ANGPT2: variants seen among roughly 807,000 people sequenced by gnomAD.
The protein encoded by ANGPT2 is angiopoietin-2.
A neutral mutation model predicts 62.9 loss-of-function variants in ANGPT2; 28 were observed. The observed-to-expected ratio is 0.44, with a 90% CI of 0.33 to 0.61. The LOEUF is 0.61. Among genes scored for constraint, ANGPT2 ranks in the 20% least tolerant of loss-of-function variants. The pLI is 0.03. For synonymous variants in ANGPT2, 284 were observed against 207.8 expected (o/e 1.37, Z -3.15); for missense variants, 727 against 594.9 (o/e 1.22, Z -2.31).
At chr8:6,513,183 T>G (rs554440675) in intron 7 of ANGPT2, among the ~76,000 whole-genome samples, 41 of 152,344 alleles carry the variant, frequency 2.7e-4, no homozygotes, top group Non-Finnish European at 4.6e-4. Context: ...TTGTATGAAG[T>G]TTCTTTTATA....
At chr8:6,522,710 G>T (rs190106550) in intron 3 of ANGPT2, among the ~76,000 whole-genome samples, 17 of 149,200 alleles carry the variant, frequency 1.1e-4, no homozygotes, top group African/African-American at 4.2e-4. Flanking sequence ...GGAGGTGGAG[G>T]TTGCAGTGAG....
At chr8:6,536,291 C>T (rs765327238) in intron 1 of ANGPT2, among the ~76,000 whole-genome samples, 3 of 152,074 alleles carry the variant, frequency 2.0e-5, no homozygotes, top group Non-Finnish European at 2.9e-5. Context: ...ATCGCTGTGT[C>T]GGGATCCCAG....
At chr8:6,561,132 A>G (rs553783031) in intron 1 of ANGPT2, among the ~76,000 whole-genome samples, 18 of 152,350 alleles carry the variant, frequency 1.2e-4, no homozygotes, top group African/African-American at 4.3e-4. Flanking sequence ...GTTGCTGCAT[A>G]CTTTTTAAGC....
intron 2 of ANGPT2, among the ~76,000 whole-genome samples, chr8:6,528,006 C>T (rs1393955017): frequency 6.6e-6 from 1 of 151,020 alleles, no homozygotes; most frequent in East Asian, 2.0e-4. Flanking sequence ...AGCAATTCTT[C>T]TGCCTCATTC....
intron 7 of ANGPT2, 61 bp from the exon 8 acceptor site, chr8:6,509,123 A>C (rs1257250269): frequency 5.1e-6 from 8 of 1,574,208 alleles, no homozygotes; most frequent in East Asian, 2.2e-5. Context: ...CGTAGTGGCA[A>C]ATTTTTTGTG....
intron 4 of ANGPT2, among the ~76,000 whole-genome samples, chr8:6,520,779 G>T (rs1817177041): frequency 6.6e-6 from 1 of 152,130 alleles, no homozygotes; most frequent in African/African-American, 2.4e-5. Context: ...GCAAGATAAG[G>T]GAACTAGCAT....
rs139734891 is a variant in ANGPT2 at position 6,513,717 on chromosome 8, T to A, written c.1157A>T (p.Tyr386Phe). The A allele has an allele frequency of 7.6e-5, 123 of 1,613,600 alleles. No homozygotes were observed. Among genetic ancestry groups the A allele is most frequent in the Non-Finnish European group, 9.4e-5 (111 of 1,179,884 alleles). ...DWEGNEAYSLYEHFYLSSEEL... is the reference protein window; with the variant it reads ...DWEGNEAYSLFEHFYLSSEEL... ...TTCACTTGAGAGATAGAAATGTTCATACAATGAGTAAGCCTCATTCCCTTC... is the reference window on the plus strand; with the variant it reads ...TTCACTTGAGAGATAGAAATGTTCAAACAATGAGTAAGCCTCATTCCCTTC... The change falls in exon 7 of 9, where the codon TAT becomes TTT. Residue 386 changes from tyrosine to phenylalanine, a missense_variant. Tyr to Phe is a conservative substitution (Grantham distance 22). Coordinates refer to ENST00000629816, the MANE Select transcript of ANGPT2 (RefSeq NM_001118887.2).
chr8:6,559,960 T>G (rs543878491), intron 1 of ANGPT2, among the ~76,000 whole-genome samples: 2 of 152,334 alleles, frequency 1.3e-5, no homozygotes, highest in Non-Finnish European at 2.9e-5. Flanking sequence ...TGACACTTCC[T>G]TTGCCGGACA....
At chr8:6,527,500 T>C in intron 3 of ANGPT2, 55 bp downstream of exon 3, 2 of 1,584,002 alleles carry the variant, frequency 1.3e-6, no homozygotes, top group Non-Finnish European at 1.7e-6. Context: ...AGACCGACTT[T>C]CATATCTGGA....
rs1185333543 is a variant in ANGPT2, at chr8:6,505,399, AAT to A, written c.1328-2140_1328-2139del. ...ATATATTCTTTCTATATGTATATAGAATATATATATTCTTTATATACATAAAG... is the reference window on the plus strand; with the variant it reads ...ATATATTCTTTCTATATGTATATAGAATATATATTCTTTATATACATAAAG... On this transcript the variant is annotated intron_variant, in intron 8 of 8. Coordinates refer to ENST00000629816, the MANE Select transcript of ANGPT2 (RefSeq NM_001118887.2). Among the ~76,000 whole-genome samples the A allele has an allele frequency of 3.8e-5, 3 of 78,672 alleles. No homozygotes were observed. In the East Asian group the frequency reaches 7.5e-4, roughly 20 times the overall value. The allele number at this position is 78,672 out of a possible 152,430, so 51.6% of individuals were successfully genotyped here.
At chr8:6,521,098 G>A in intron 4 of ANGPT2, 80 bp downstream of exon 4, 1 of 1,114,184 alleles carries the variant, frequency 9.0e-7, no homozygotes, top group Non-Finnish European at 1.3e-6. Context: ...TTTTCTGAAA[G>A]GTGAGAATTT....
chr8:6,519,841 G>T (rs1816971877), intron 5 of ANGPT2, 23 bp downstream of exon 5: 1 of 1,612,016 alleles, frequency 6.2e-7, no homozygotes, highest in Admixed American at 1.7e-5. Flanking sequence ...CAGGGAGTTA[G>T]TAAGGGGAGA....
intron 5 of ANGPT2, among the ~76,000 whole-genome samples, chr8:6,515,850 C>T (rs552495255): frequency 3.0e-4 from 46 of 152,240 alleles, no homozygotes; most frequent in African/African-American, 1.0e-3. Context: ...TCTCTGTTTA[C>T]GAGTTAGAAT....
chr8:6,559,996 T>C (rs986677075), intron 1 of ANGPT2, among the ~76,000 whole-genome samples: 2 of 152,230 alleles, frequency 1.3e-5, no homozygotes, highest in African/African-American at 4.8e-5. Flanking sequence ...GTGGGACCTT[T>C]TGATGATGTG....
At chr8:6,524,199 C>G (rs546221735) in intron 3 of ANGPT2, among the ~76,000 whole-genome samples, 1 of 152,100 alleles carries the variant, frequency 6.6e-6, no homozygotes, top group Non-Finnish European at 1.5e-5. Flanking sequence ...CTCATATTCC[C>G]TTTTTTGAGT....
At chr8:6,512,646 A>G (rs1176327825) in intron 7 of ANGPT2, among the ~76,000 whole-genome samples, 1 of 152,058 alleles carries the variant, frequency 6.6e-6, no homozygotes, top group East Asian at 1.9e-4. Flanking sequence ...CTTGTGTACC[A>G]GCATTACTGT....
rs1474856298 is a variant in ANGPT2, at chr8:6,500,031, A to G, written c.*3070T>C. On this transcript the variant is annotated 3_prime_UTR_variant, in exon 9 of 9. Coordinates refer to ENST00000629816, the MANE Select transcript of ANGPT2 (RefSeq NM_001118887.2). ...TTAAGTTTTTATCCAGTCAAGCACAATTATGCCCATAATTAAAAAGACATT... is the reference window on the plus strand; with the variant it reads ...TTAAGTTTTTATCCAGTCAAGCACAGTTATGCCCATAATTAAAAAGACATT... 6.5e-6 allele frequency: 6 copies of G among 923,570 alleles called. No homozygotes were observed. In the Admixed American group the frequency reaches 7.1e-5, roughly 11 times the overall value. 57.2% of individuals were successfully genotyped at this position (923,570 alleles called of 1,614,324 possible). A position where few individuals can be genotyped will look rare whatever the true frequency, so the allele number is the denominator to read the frequency against.
In ANGPT2 at chr8:6,555,606, C is replaced by A. The variant is rs543820004; in HGVS notation, c.288+7041G>T. On this transcript the variant is annotated intron_variant, in intron 1 of 8. Coordinates refer to ENST00000629816, the MANE Select transcript of ANGPT2 (RefSeq NM_001118887.2). ...CCTCCTGAGTAGCTGAGACTACAGG[C>A]ATGTACCACCACGCCTGGGTGATTT... 5.3e-5 allele frequency among the ~76,000 whole-genome samples: 8 copies of A among 152,044 alleles called. No individual in the cohort carries two copies. The East Asian group carries it at 1.2e-3, about 22-fold the overall frequency.
chr8:6,550,587 T>A (rs1823467340), intron 1 of ANGPT2, among the ~76,000 whole-genome samples: 1 of 152,148 alleles, frequency 6.6e-6, no homozygotes, highest in South Asian at 2.1e-4. Flanking sequence ...GTGTGACAGC[T>A]GTGGGCTGTG....
Sources: allele counts gnomAD v4.1 joint callset (sites outside exome capture counted in the v4.1 genomes callset), GRCh38; gene constraint gnomAD v4.1.1; transcripts MANE v1.5; gene names NCBI Gene and HGNC (gene_info 2026-07-23, HGNC 2026-07-21).